Variants in CHRNA10 observed in about 807,000 individuals in gnomAD.
CHRNA10 encodes neuronal acetylcholine receptor subunit alpha-10.
Under a neutral mutation model 36.0 loss-of-function variants are expected in CHRNA10, and 31 were observed. The observed-to-expected ratio is 0.86, with a 90% CI of 0.65 to 1.16. The LOEUF is 1.16. CHRNA10 is among the 50% of genes most tolerant of loss of function. CHRNA10 has a pLI of 0.00. For missense variants in CHRNA10, 648 were observed against 640.9 expected (o/e 1.01, Z -0.12); for synonymous variants, 302 against 287.0 (o/e 1.05, Z -0.53).
rs764560889 is a variant in CHRNA10, at chr11:3,671,301, C to T, written c.12G>A (p.Arg4=). 2 of 1,614,094 alleles carry T rather than the reference C, an allele frequency of 1.2e-6. No individual in the cohort carries two copies. The highest frequency in any genetic ancestry group is 1.7e-6 in the Non-Finnish European group (2 of 1,179,978). MGL[R]SHHLSLGLLL... is the part of the protein sequence containing the mutation. ...GAAGGCCCAGGCTGAGGTGGTGGCT[C>T]CGGAGCCCCATGGCCCTGGCACTGC... is the stretch of plus-strand genomic sequence containing the variant. The change falls in exon 1 of 5, where the codon CGG becomes CGA. Residue 4 remains arginine, a synonymous_variant. Transcript: ENST00000250699.
rs199783088 is a variant in CHRNA10 at position 3,669,788 on chromosome 11, C to T, written c.207+8G>A. The T allele has an allele frequency of 1.5e-5, 24 of 1,614,070 alleles. No individual in the cohort carries two copies. The highest frequency in any genetic ancestry group is 2.0e-5 in the Non-Finnish European group (24 of 1,180,012). On this transcript the variant is annotated splice_region_variant and intron_variant, in intron 2 of 4. Coordinates refer to ENST00000250699, the MANE Select transcript of CHRNA10 (RefSeq NM_020402.4). ...AGACTCCACAGCTGTACCACCACCACAACGCACCATGTCGATGATCTGGGA... is the reference window on the plus strand; with the variant it reads ...AGACTCCACAGCTGTACCACCACCATAACGCACCATGTCGATGATCTGGGA...
intron 1 of CHRNA10, chr11:3,671,034 C>T: frequency 1.7e-6 from 1 of 587,360 alleles, no homozygotes; most frequent in South Asian, 2.1e-5. Flanking sequence ...CCAGCCCTGT[C>T]TCTGGAAGCT....
chr11:3,669,292 G>T lies in CHRNA10; in HGVS notation c.266C>A (p.Ala89Asp), dbSNP rs1239507421. Residue 89 changes from alanine (A) to aspartate (D), a missense_variant, in exon 3 of 5, where the codon GCC becomes GAC. Coordinates refer to ENST00000250699, the MANE Select transcript of CHRNA10 (RefSeq NM_020402.4). ...GGCATTGGGGTCCCATCGTAGGTAG[G>T]CATCTGTCCACTCCTGCCGTATCCA... Reference protein sequence around the residue: ...YLWIRQEWTDAYLRWDPNAYG... With the variant: ...YLWIRQEWTDDYLRWDPNAYG... 1.2e-6 allele frequency: 2 copies of T among 1,614,066 alleles called. No individual in the cohort carries two copies. The highest frequency in any genetic ancestry group is 1.7e-6 in the Non-Finnish European group (2 of 1,179,980).
In CHRNA10 at chr11:3,667,692, G is replaced by A. The variant is rs1355317825; in HGVS notation, c.435C>T (p.Asp145=). 6.4e-7 allele frequency: 1 copy of A among 1,572,308 alleles called. No individual in the cohort carries two copies. Among genetic ancestry groups the A allele is most frequent in the South Asian group, 1.1e-5 (1 of 87,834 alleles). ...ACGAGCTGCGCGTGATGGCCGGCGC[G>A]TCCCAGCGCACGGCGCCATCGTGGC... ...VLRHDGAVRW[D]APAITRSSCR... The change falls in exon 4 of 5, where the codon GAC becomes GAT. Residue 145 remains aspartate, a synonymous_variant. Coordinates refer to ENST00000250699, the MANE Select transcript of CHRNA10 (RefSeq NM_020402.4).
chr11:3,666,446 G>A lies in CHRNA10; in HGVS notation c.1014C>T (p.Ala338=), dbSNP rs757717762. The change falls in exon 5 of 5, where the codon GCC becomes GCT. Residue 338 remains alanine, a synonymous_variant. Transcript: ENST00000250699. ...SVRPVPAWAR[A]LLLGHLARGL... Reference sequence around the variant, plus strand: ...CCCGTGCCAGGTGTCCCAGCAGGAGGGCCCTAGCCCAGGCTGGCACTGGGC... The same window carrying A: ...CCCGTGCCAGGTGTCCCAGCAGGAGAGCCCTAGCCCAGGCTGGCACTGGGC... 12 of 1,613,804 alleles carry A rather than the reference G, an allele frequency of 7.4e-6. No homozygotes were observed. The highest frequency in any genetic ancestry group is 3.3e-5 in the Admixed American group (2 of 59,982).
chr11:3,669,649 T>G (rs1458126178), intron 2 of CHRNA10, 147 bp downstream of exon 2: 6 of 1,104,688 alleles, frequency 5.4e-6, no homozygotes, highest in Non-Finnish European at 8.2e-6. Context: ...CAACAGTCAG[T>G]ACCCAACAGT....
Position 3,665,885 on chromosome 11 carries a change from T to TC in CHRNA10, c.*221dup. 1 of 480,460 alleles carries TC rather than the reference T, an allele frequency of 2.1e-6. No homozygotes were observed. The highest frequency in any genetic ancestry group is 3.2e-5 in the East Asian group (1 of 31,320). 29.8% of individuals were successfully genotyped at this position (480,460 alleles called of 1,614,324 possible). On this transcript the variant is annotated 3_prime_UTR_variant, in exon 5 of 5. Transcript: ENST00000250699. ...GTGATCTTGGCCTTTGTAGAGTTCC[T>TC]CTTTTTTTTGGAATTAGGGGAGTGG...
In CHRNA10 at chr11:3,667,577, C is replaced by A; in HGVS notation, c.550G>T (p.Val184Leu). The A allele has an allele frequency of 6.4e-7, 1 of 1,557,588 alleles. No homozygotes were observed. Among genetic ancestry groups the A allele is most frequent in the African/African-American group, 1.4e-5 (1 of 73,730 alleles). The change falls in exon 4 of 5, where the codon GTG becomes TTG. Residue 184 changes from valine to leucine, a missense_variant. Transcript: ENST00000250699. Reference protein sequence around the residue: ...SWTHGGHQLDVRPRGAAASLA... With the variant: ...SWTHGGHQLDLRPRGAAASLA... The stretch of plus-strand genomic sequence containing the variant: ...CTGGCTGCAGCGCCGCGCGGCCGCA[C>A]ATCCAGTTGGTGCCCGCCGTGAGTC...
At position 3,669,836 on chromosome 11, in the gene CHRNA10, T is replaced by A. The variant is rs1210213730; in HGVS notation, c.167A>T (p.Asn56Ile). Residue 56 changes from asparagine (N) to isoleucine (I), a missense_variant, in exon 2 of 5, where the codon AAT becomes ATT. Asn to Ile is a moderately radical substitution (Grantham distance 149). Coordinates refer to ENST00000250699, the MANE Select transcript of CHRNA10 (RefSeq NM_020402.4). Reference protein sequence around the residue: ...RPVADTDQTLNVTLEVTLSQI... With the variant: ...RPVADTDQTLIVTLEVTLSQI... ...GGACAGTGTCACCTCCAGGGTCACA[T>A]TCAGAGTCTGGTCTGTGTCTGCCAC... 6.2e-7 allele frequency: 1 copy of A among 1,614,008 alleles called. No homozygotes were observed. The highest frequency in any genetic ancestry group is 1.3e-5 in the African/African-American group (1 of 74,894).
Position 3,667,776 on chromosome 11 carries a change from C to T in CHRNA10, c.363-12G>A, listed in dbSNP as rs953485710. On this transcript the variant is annotated splice_polypyrimidine_tract_variant and intron_variant, in intron 3 of 4. Coordinates refer to ENST00000250699, the MANE Select transcript of CHRNA10 (RefSeq NM_020402.4). Reference sequence around the variant, plus strand: ...GCTGCGCGTCGGCTCTGGGGGCAGGCGGGGCAGGGCTCACCTAGGCTGTCC... The same window carrying T: ...GCTGCGCGTCGGCTCTGGGGGCAGGTGGGGCAGGGCTCACCTAGGCTGTCC... 2.0e-6 allele frequency: 3 copies of T among 1,495,132 alleles called. No homozygotes were observed. The highest frequency in any genetic ancestry group is 2.5e-5 in the East Asian group (1 of 40,056). The allele number at this position is 1,495,132 out of a possible 1,614,324, so 92.6% of individuals were successfully genotyped here.
rs896023477 is a variant in CHRNA10 at position 3,667,717 on chromosome 11, C to G, written c.410G>C (p.Arg137Pro). The G allele has an allele frequency of 1.3e-6, 2 of 1,572,130 alleles. No individual in the cohort carries two copies. Among genetic ancestry groups the G allele is most frequent in the East Asian group, 2.3e-5 (1 of 43,308 alleles). ...PGSASTNVVL[R>P]HDGAVRWDAP... ...GTCCCAGCGCACGGCGCCATCGTGG[C>G]GCAGGACCACGTTGGTGCTGGCGGA... The change falls in exon 4 of 5, where the codon CGC (arginine) becomes CCC (proline). Residue 137 changes from arginine to proline, a missense_variant. Transcript: ENST00000250699.
At chr11:3,666,881 A>G (rs955918890) in intron 4 of CHRNA10, among the ~76,000 whole-genome samples, 3 of 152,134 alleles carry the variant, frequency 2.0e-5, no homozygotes, top group African/African-American at 4.8e-5. Context: ...TTTTTGTACA[A>G]ATGGGATACC....
intron 4 of CHRNA10, 34 bp downstream of exon 4, chr11:3,667,198 C>T: frequency 6.6e-7 from 1 of 1,518,488 alleles, no homozygotes. Context: ...GACCCCAGCG[C>T]ATCGTCAGGT....
At chr11:3,669,653 C>A in intron 2 of CHRNA10, 143 bp downstream of exon 2, 1 of 1,160,028 alleles carries the variant, frequency 8.6e-7, no homozygotes, top group East Asian at 2.4e-5. Flanking sequence ...AGTCAGTACC[C>A]AACAGTTTGT....
At chr11:3,669,682 T>C (rs551268940) in intron 2 of CHRNA10, 114 bp downstream of exon 2, 1 of 1,392,246 alleles carries the variant, frequency 7.2e-7, no homozygotes, top group Non-Finnish European at 1.0e-6. Flanking sequence ...CCTTTGTTAA[T>C]ATTAACATTT....
Position 3,667,282 on chromosome 11 carries a change from T to A in CHRNA10, c.845A>T (p.Gln282Leu), listed in dbSNP as rs774014913. ...VTVLLALTVF[Q>L]LLLAESMPPA... Reference sequence around the variant, plus strand: ...TGGCATGCTCTCGGCCAGCAGCAACTGGAAGACGGTGAGCGCCAGCAGCAC... The same window carrying A: ...TGGCATGCTCTCGGCCAGCAGCAACAGGAAGACGGTGAGCGCCAGCAGCAC... Residue 282 changes from glutamine (Q) to leucine (L), a missense_variant, in exon 4 of 5, where the codon CAG becomes CTG. Physicochemically the swap from Gln to Leu is moderately radical, Grantham distance 113 (BLOSUM62 -2). Transcript: ENST00000250699. The A allele has an allele frequency of 6.9e-6, 11 of 1,597,438 alleles. No individual in the cohort carries two copies. The highest frequency in any genetic ancestry group is 9.3e-6 in the Non-Finnish European group (11 of 1,178,456).
In CHRNA10 at chr11:3,670,366, G is replaced by A. The variant is rs554710338; in HGVS notation, c.62-425C>T. ...CTGGTTTCTTCAAAACTTCTGATGCGATGGAACACTCCCTCACTCTGAAAA... is the reference window on the plus strand; with the variant it reads ...CTGGTTTCTTCAAAACTTCTGATGCAATGGAACACTCCCTCACTCTGAAAA... On this transcript the variant is annotated intron_variant, in intron 1 of 4. Coordinates refer to ENST00000250699, the MANE Select transcript of CHRNA10 (RefSeq NM_020402.4). Among the ~76,000 whole-genome samples the A allele has an allele frequency of 4.6e-4, 70 of 152,180 alleles. 1 individual carries two copies. The South Asian group carries it at 0.013, about 28-fold the overall frequency.
In CHRNA10 at chr11:3,670,207, T is replaced by G. The variant is rs55779754; in HGVS notation, c.62-266A>C. On this transcript the variant is annotated intron_variant, in intron 1 of 4. Coordinates refer to ENST00000250699, the MANE Select transcript of CHRNA10 (RefSeq NM_020402.4). ...CTCCCCTTTTCAAGGACCTGGAGTC[T>G]GCCTGCCTCTCCACAAATGCTAGAG... 3.3e-3 allele frequency among the ~76,000 whole-genome samples: 499 copies of G among 152,314 alleles called. 2 individuals are homozygous for G. Among genetic ancestry groups the G allele is most frequent in the Non-Finnish European group, 5.1e-3 (344 of 68,018 alleles).
intron 1 of CHRNA10, 198 bp downstream of exon 1, chr11:3,671,054 C>G: frequency 1.6e-6 from 1 of 608,540 alleles, no homozygotes; most frequent in Non-Finnish European, 2.9e-6. Context: ...TCCCCGCTCA[C>G]TGTTTCCACC....
Sources: gnomAD v4.1 joint callset for allele counts (sites outside exome capture counted in the v4.1 genomes callset) on GRCh38, gnomAD v4.1.1 for gene constraint, MANE v1.5 for transcripts, NCBI Gene and HGNC (gene_info 2026-07-23, HGNC 2026-07-21) for gene names.